AP2B1: variants seen among roughly 807,000 people sequenced by gnomAD.
AP2B1 encodes AP-2 complex subunit beta.
A neutral mutation model predicts 102.0 loss-of-function variants in AP2B1; 23 were observed. The ratio of observed to expected loss-of-function variants is 0.23; its 90% CI spans 0.16 to 0.32. AP2B1 has a LOEUF of 0.32. Among genes scored for constraint, AP2B1 ranks in the 10% least tolerant of loss-of-function variants. The probability of loss-of-function intolerance (pLI) is 1.00; values close to 1 mark genes in which losing one functional copy is unlikely to be tolerated. For synonymous variants in AP2B1, 381 were observed against 421.2 expected, an observed-to-expected ratio of 0.90 and a Z score of 1.17; for missense variants, 541 against 1,157.4, an observed-to-expected ratio of 0.47 and a Z score of 7.73.
At chr17:35,669,359 G>A (rs375007523) in intron 14 of AP2B1, among the ~76,000 whole-genome samples, 1 of 152,080 alleles carries the variant, frequency 6.6e-6, no homozygotes, top group Admixed American at 6.6e-5. Flanking sequence ...GGCCAGGGTG[G>A]TCTCAAACTC....
chr17:35,654,061 T>G (rs956862921), intron 13 of AP2B1, among the ~76,000 whole-genome samples: 1 of 152,050 alleles, frequency 6.6e-6, no homozygotes, highest in Non-Finnish European at 1.5e-5. Context: ...TTTTACAATT[T>G]TTTTTACTTT....
At chr17:35,721,254 A>G (rs1267531906) in intron 21 of AP2B1, among the ~76,000 whole-genome samples, 1 of 152,218 alleles carries the variant, frequency 6.6e-6, no homozygotes, top group Non-Finnish European at 1.5e-5. Flanking sequence ...CACGTGAAGC[A>G]GTGTATGTTC....
At chr17:35,605,087 G>A (rs2073623406) in intron 3 of AP2B1, among the ~76,000 whole-genome samples, 1 of 151,950 alleles carries the variant, frequency 6.6e-6, no homozygotes, top group East Asian at 1.9e-4. Flanking sequence ...ACAAATTTTT[G>A]TAGAGAGGAT....
intron 18 of AP2B1, among the ~76,000 whole-genome samples, chr17:35,707,056 C>A (rs1226869531): frequency 6.6e-6 from 1 of 152,174 alleles, no homozygotes; most frequent in African/African-American, 2.4e-5. Flanking sequence ...CTGCCAAGTA[C>A]CAGATGAGTT....
At chr17:35,684,787 T>C (rs2075896465) in intron 18 of AP2B1, among the ~76,000 whole-genome samples, 1 of 152,138 alleles carries the variant, frequency 6.6e-6, no homozygotes, top group African/African-American at 2.4e-5. Flanking sequence ...AAGCCTAATA[T>C]TTGAGGACAG....
At position 35,724,208 on chromosome 17, in the gene AP2B1, T is replaced by C. The variant is rs921916342; in HGVS notation, c.*509T>C. ...CACAGTCCTGGAGGCAGAGATGCAGTTACCTACCCTAGCTTTTGATGGGTT... is the reference window on the plus strand; with the variant it reads ...CACAGTCCTGGAGGCAGAGATGCAGCTACCTACCCTAGCTTTTGATGGGTT... On this transcript the variant is annotated 3_prime_UTR_variant, in exon 22 of 22. Coordinates refer to ENST00000610402, the MANE Select transcript of AP2B1 (RefSeq NM_001030006.2). The C allele has an allele frequency of 1.3e-5, 2 of 153,128 alleles. No individual in the cohort carries two copies. Among genetic ancestry groups the C allele is most frequent in the African/African-American group, 4.8e-5 (2 of 41,478 alleles). The allele number at this position is 153,128 out of a possible 1,614,324, so 9.5% of individuals were successfully genotyped here.
intron 18 of AP2B1, among the ~76,000 whole-genome samples, chr17:35,697,433 T>G (rs1162219077): frequency 6.6e-6 from 1 of 152,214 alleles, no homozygotes; most frequent in African/African-American, 2.4e-5. Flanking sequence ...CTAAAGAGCC[T>G]TAGACTATTT....
chr17:35,721,311 G>A (rs1231081209), intron 21 of AP2B1, among the ~76,000 whole-genome samples: 1 of 152,144 alleles, frequency 6.6e-6, no homozygotes, highest in Non-Finnish European at 1.5e-5. Flanking sequence ...ATTTTAATTA[G>A]GCAGGACAGG....
At chr17:35,600,017 C>G (rs566625143) in intron 3 of AP2B1, among the ~76,000 whole-genome samples, 42 of 152,294 alleles carry the variant, frequency 2.8e-4, no homozygotes, top group African/African-American at 9.6e-4. Flanking sequence ...TTGCAACTAA[C>G]TTTTAAGAAA....
chr17:35,720,573 A>ATATATTTTTTT (rs1324333805), intron 21 of AP2B1, among the ~76,000 whole-genome samples: 5 of 28,064 alleles, frequency 1.8e-4, no homozygotes, highest in East Asian at 1.2e-3. Flanking sequence ...ATATATATAT[A>ATATATTTTTTT]TTTTTTTTTT....
At chr17:35,670,823 C>T (rs375055530) in intron 14 of AP2B1, 34 bp from the exon 15 acceptor site, 430 of 1,609,294 alleles carry the variant, frequency 2.7e-4, no homozygotes, top group Non-Finnish European at 3.3e-4. Flanking sequence ...ATGAACTCTA[C>T]CTCTCTCTCC....
At position 35,725,734 on chromosome 17, in the gene AP2B1, T is replaced by C. The variant is rs1395628225; in HGVS notation, c.*2035T>C. ...TACAAGTAGTGCAGAAGGTTCACAC[T>C]GCAAATAGTGTTCTCATCTCAAAGC... On this transcript the variant is annotated 3_prime_UTR_variant, in exon 22 of 22. Coordinates refer to ENST00000610402, the MANE Select transcript of AP2B1 (RefSeq NM_001030006.2). The C allele has an allele frequency of 6.6e-6, 1 of 152,650 alleles. No homozygotes were observed. Among genetic ancestry groups the C allele is most frequent in the Non-Finnish European group, 1.5e-5 (1 of 68,048 alleles). 9.5% of individuals were successfully genotyped at this position (152,650 alleles called of 1,614,324 possible).
chr17:35,693,146 T>TA (rs1393276157), intron 18 of AP2B1, among the ~76,000 whole-genome samples: 23 of 152,142 alleles, frequency 1.5e-4, no homozygotes, highest in Admixed American at 1.5e-3. Flanking sequence ...GCCTCCTAAG[T>TA]AGCTGGGATT....
intron 5 of AP2B1, among the ~76,000 whole-genome samples, chr17:35,610,815 G>A (rs1161311105): frequency 6.6e-6 from 1 of 151,798 alleles, no homozygotes; most frequent in Non-Finnish European, 1.5e-5. Context: ...GCCGAGGCAG[G>A]AGAATGGTGT....
At chr17:35,673,220 A>AT (rs200528269) in intron 16 of AP2B1, among the ~76,000 whole-genome samples, 10,459 of 150,774 alleles carry the variant, frequency 0.069, 429 homozygotes, top group Middle Eastern at 0.12. Flanking sequence ...TTTTTATTTT[A>AT]TTTTTTTTTA....
At chr17:35,601,532 G>A (rs1433184903) in intron 3 of AP2B1, among the ~76,000 whole-genome samples, 1 of 152,168 alleles carries the variant, frequency 6.6e-6, no homozygotes, top group East Asian at 1.9e-4. Context: ...GCCCCCCGAA[G>A]TGTTGGGATT....
chr17:35,716,710 G>T (rs1335350759), intron 20 of AP2B1, among the ~76,000 whole-genome samples: 1 of 152,158 alleles, frequency 6.6e-6, no homozygotes, highest in Admixed American at 6.5e-5. Flanking sequence ...GGCCCGAATG[G>T]CTCACAATGA....
intron 20 of AP2B1, among the ~76,000 whole-genome samples, chr17:35,715,109 G>T (rs587683480): frequency 2.0e-5 from 3 of 152,098 alleles, no homozygotes; most frequent in African/African-American, 7.2e-5. Flanking sequence ...TATAAAAATC[G>T]AATCACACAT....
intron 2 of AP2B1, among the ~76,000 whole-genome samples, chr17:35,597,808 C>T (rs2073342942): frequency 6.6e-6 from 1 of 152,200 alleles, no homozygotes; most frequent in African/African-American, 2.4e-5. Context: ...CTTTGAGCCT[C>T]ATTTCTTAAT....
Sources: gnomAD v4.1 joint callset for allele counts (sites outside exome capture counted in the v4.1 genomes callset) on GRCh38, gnomAD v4.1.1 for gene constraint, MANE v1.5 for transcripts, NCBI Gene and HGNC (gene_info 2026-07-23, HGNC 2026-07-21) for gene names.